Variants in BNC2 observed in about 807,000 individuals in gnomAD.
The protein encoded by BNC2 is zinc finger protein basonuclin-2.
A neutral mutation model predicts 76.3 loss-of-function variants in BNC2; 20 were observed. The observed-to-expected ratio is 0.26, with a 90% confidence interval of 0.18 to 0.38. The LOEUF is 0.38. BNC2 is among the 10% of genes least tolerant of loss of function. The probability of loss-of-function intolerance (pLI) is 1.00; values close to 1 mark genes in which losing one functional copy is unlikely to be tolerated. For missense variants in BNC2, 1,382 were observed against 1,399.8 expected (o/e 0.99, Z 0.20); for synonymous variants, 582 against 514.8 (o/e 1.13, Z -1.77).
At chr9:16,606,476 G>C (rs117454411) in intron 3 of BNC2, among the ~76,000 whole-genome samples, 6,078 of 152,020 alleles carry the variant, frequency 0.04, 170 homozygotes, top group Middle Eastern at 0.12. Context: ...ATCAGGGCAG[G>C]TCTTTCCCAT....
At chr9:16,766,066 C>T (rs929465955) in intron 1 of BNC2, among the ~76,000 whole-genome samples, 3 of 152,170 alleles carry the variant, frequency 2.0e-5, no homozygotes, top group East Asian at 3.9e-4. Flanking sequence ...GGATTACAGG[C>T]GTGAGCCACC....
rs190577605 is a variant in BNC2, at chr9:16,492,821, A to G, written c.670-55297T>C. On this transcript the variant is annotated intron_variant, in intron 5 of 6. Transcript: ENST00000380672. ...TCAGTCACAGAACACTGCTGCTAAA[A>G]TCTTTATGGGTAATCTGAAATGGTG... 1.9e-3 allele frequency among the ~76,000 whole-genome samples: 291 copies of G among 151,956 alleles called. 1 individual carries two copies. The highest frequency in any genetic ancestry group is 6.6e-3 in the African/African-American group (273 of 41,466).
At position 16,413,922 on chromosome 9, in the gene BNC2, C is replaced by T. The variant is rs1462122110; in HGVS notation, c.*5067G>A. The stretch of plus-strand genomic sequence containing the variant: ...GCATGAGTAATGATCAAGAAAGGAA[C>T]GATCCATGCTGGTGCCATTCGCACC... On this transcript the variant is annotated 3_prime_UTR_variant, in exon 7 of 7. Transcript: ENST00000380672. 6.6e-6 allele frequency: 1 copy of T among 152,110 alleles called. No individual in the cohort carries two copies. Among genetic ancestry groups the T allele is most frequent in the Middle Eastern group, 3.2e-3 (1 of 316 alleles). 9.4% of individuals were successfully genotyped at this position (152,110 alleles called of 1,614,324 possible). A position where few individuals can be genotyped will look rare whatever the true frequency, so the allele number is the denominator to read the frequency against.
intron 3 of BNC2, among the ~76,000 whole-genome samples, chr9:16,603,548 G>C (rs888702644): frequency 6.6e-6 from 1 of 151,994 alleles, no homozygotes; most frequent in African/African-American, 2.4e-5. Context: ...TAAACATATA[G>C]TACATAAACA....
At chr9:16,687,525 G>A (rs555259745) in intron 3 of BNC2, among the ~76,000 whole-genome samples, 7 of 152,156 alleles carry the variant, frequency 4.6e-5, no homozygotes, top group East Asian at 1.9e-4. Context: ...TTCTGCAACA[G>A]TAATTCTCCC....
At chr9:16,869,669 C>A (rs1444883574) in intron 1 of BNC2, among the ~76,000 whole-genome samples, 1 of 152,186 alleles carries the variant, frequency 6.6e-6, no homozygotes, top group Admixed American at 6.5e-5. Context: ...GGTCAAGCCC[C>A]ATTTCTAACA....
intron 5 of BNC2, among the ~76,000 whole-genome samples, chr9:16,474,856 A>C (rs569817045): frequency 8.1e-4 from 123 of 152,222 alleles, no homozygotes; most frequent in African/African-American, 2.7e-3. Flanking sequence ...CCCATGATGA[A>C]CACCACATGG....
chr9:16,511,688 C>A (rs969173164), intron 5 of BNC2, among the ~76,000 whole-genome samples: 3 of 152,052 alleles, frequency 2.0e-5, no homozygotes, highest in Admixed American at 6.5e-5. Context: ...CTCAGCCCCC[C>A]AAAGTGCTGA....
chr9:16,561,103 G>C (rs1029747844), intron 4 of BNC2, among the ~76,000 whole-genome samples: 3 of 152,136 alleles, frequency 2.0e-5, no homozygotes, highest in African/African-American at 7.2e-5. Flanking sequence ...GCCAGGCATG[G>C]TGGTGGGCAC....
intron 3 of BNC2, among the ~76,000 whole-genome samples, chr9:16,666,375 T>G (rs1822291937): frequency 6.6e-6 from 1 of 152,184 alleles, no homozygotes; most frequent in African/African-American, 2.4e-5. Flanking sequence ...ATATAGAAAT[T>G]TTATTTGGTT....
At chr9:16,589,234 G>A (rs2133144659) in intron 3 of BNC2, among the ~76,000 whole-genome samples, 1 of 152,222 alleles carries the variant, frequency 6.6e-6, no homozygotes, top group East Asian at 1.9e-4. Context: ...TACCGAGGCT[G>A]GAGTGCAGTG....
At chr9:16,718,784 G>T (rs193018843) in intron 3 of BNC2, among the ~76,000 whole-genome samples, 1 of 152,262 alleles carries the variant, frequency 6.6e-6, no homozygotes, top group East Asian at 1.9e-4. Flanking sequence ...CCACCCACAG[G>T]CTCACTGCCT....
At chr9:16,786,957 A>G (rs946531843) in intron 1 of BNC2, among the ~76,000 whole-genome samples, 2 of 152,202 alleles carry the variant, frequency 1.3e-5, no homozygotes, top group African/African-American at 4.8e-5. Context: ...AAGATCTGAC[A>G]ATCAGTGATT....
chr9:16,500,221 C>T lies in BNC2; in HGVS notation c.669+52309G>A, dbSNP rs112820360. Among the ~76,000 whole-genome samples, 624 of 152,248 alleles carry T rather than the reference C, an allele frequency of 4.1e-3. 1 individual carries two copies. The highest frequency in any genetic ancestry group is 7.5e-3 in the Non-Finnish European group (510 of 68,024). The stretch of plus-strand genomic sequence containing the variant: ...CACCATTCAGAATCCTACCCATCCA[C>T]CAAACTCAACTCAAGTCTGATGTGT... On this transcript the variant is annotated intron_variant, in intron 5 of 6. Coordinates refer to ENST00000380672, the MANE Select transcript of BNC2 (RefSeq NM_017637.6).
At chr9:16,807,015 T>TC (rs1197917610) in intron 1 of BNC2, among the ~76,000 whole-genome samples, 1 of 152,094 alleles carries the variant, frequency 6.6e-6, no homozygotes, top group Non-Finnish European at 1.5e-5. Flanking sequence ...TTCTCTTTTT[T>TC]TCAGGTTAGA....
At chr9:16,754,137 G>T (rs1308106117) in intron 1 of BNC2, among the ~76,000 whole-genome samples, 1 of 152,154 alleles carries the variant, frequency 6.6e-6, no homozygotes, top group Non-Finnish European at 1.5e-5. Flanking sequence ...CATTAGAACT[G>T]GTGGTCTACA....
intron 1 of BNC2, among the ~76,000 whole-genome samples, chr9:16,843,987 T>C (rs1030926232): frequency 6.6e-6 from 1 of 152,152 alleles, no homozygotes; most frequent in Non-Finnish European, 1.5e-5. Context: ...TGTTGTTCAT[T>C]TAAAAATCTT....
chr9:16,835,927 AG>A (rs1818695924), intron 1 of BNC2, among the ~76,000 whole-genome samples: 1 of 152,184 alleles, frequency 6.6e-6, no homozygotes, highest in African/African-American at 2.4e-5. Context: ...TTTCAACTGC[AG>A]GGAGTCTTCA....
chr9:16,534,284 C>T (rs111414393), intron 5 of BNC2, among the ~76,000 whole-genome samples: 1,789 of 152,096 alleles, frequency 0.012, 14 homozygotes, highest in Non-Finnish European at 0.019. Context: ...TAAGACTGCC[C>T]GTGAAGGAGA....
Sources: allele counts gnomAD v4.1 joint callset (sites outside exome capture counted in the v4.1 genomes callset), GRCh38; gene constraint gnomAD v4.1.1; transcripts MANE v1.5; gene names NCBI Gene and HGNC (gene_info 2026-07-23, HGNC 2026-07-21).